Variants in SAMD4A observed in about 807,000 individuals in gnomAD.
SAMD4A encodes the protein sterile alpha motif domain containing 4A, also known as protein Smaug homolog 1.
SAMD4A carries 33 observed loss-of-function variants against 81.3 expected under a neutral mutation model. That is an observed-to-expected ratio of 0.41 (90% CI 0.31 to 0.54). The LOEUF is 0.54. Among genes scored for constraint, SAMD4A ranks in the 20% least tolerant of loss-of-function variants. The pLI is 0.37. For missense variants in SAMD4A, 854 were observed against 951.1 expected, an observed-to-expected ratio of 0.90 and a Z score of 1.34; for synonymous variants, 389 against 382.1, an observed-to-expected ratio of 1.02 and a Z score of -0.21.
chr14:54,652,365 G>A (rs1020212878), intron 2 of SAMD4A, among the ~76,000 whole-genome samples: 1 of 152,158 alleles, frequency 6.6e-6, no homozygotes, highest in African/African-American at 2.4e-5. Flanking sequence ...GAAGTAGTAC[G>A]GAAACTCCAC....
rs1386216199 is a variant in SAMD4A, at chr14:54,700,951, G to A, written c.197-1111G>A. The stretch of plus-strand genomic sequence containing the variant: ...TTTGAGAAGATGAAAGGGTTCTAGA[G>A]ATGGATGGTAGTGATAGTTGCACAC... On this transcript the variant is annotated intron_variant, in intron 2 of 12. Coordinates refer to ENST00000554335, the MANE Select transcript of SAMD4A (RefSeq NM_015589.6). The A allele has an allele frequency of 2.0e-5, 3 of 151,568 alleles. No homozygotes were observed. The East Asian group carries it at 5.8e-4, about 29-fold the overall frequency. The allele number at this position is 151,568 out of a possible 1,614,324, so 9.4% of individuals were successfully genotyped here. A position where few individuals can be genotyped will look rare whatever the true frequency, so the allele number is the denominator to read the frequency against.
chr14:54,709,583 AAG>A (rs755151232), intron 3 of SAMD4A, among the ~76,000 whole-genome samples: 9 of 152,080 alleles, frequency 5.9e-5, no homozygotes, highest in Non-Finnish European at 1.2e-4. Context: ...CTTCAAAAGA[AAG>A]AGAAGAATGT....
chr14:54,655,809 A>G (rs1002302853), intron 2 of SAMD4A, among the ~76,000 whole-genome samples: 6 of 152,126 alleles, frequency 3.9e-5, no homozygotes, highest in Non-Finnish European at 8.8e-5. Context: ...TACAAATTCA[A>G]GCCTTGCTTC....
At chr14:54,774,578 G>C (rs1202666752) in intron 9 of SAMD4A, among the ~76,000 whole-genome samples, 2 of 151,886 alleles carry the variant, frequency 1.3e-5, no homozygotes, top group East Asian at 3.9e-4. Context: ...TACTCAAGAG[G>C]CTGAGTTGGG....
intron 2 of SAMD4A, among the ~76,000 whole-genome samples, chr14:54,608,128 A>G (rs1327545903): frequency 6.6e-6 from 1 of 152,228 alleles, no homozygotes; most frequent in African/African-American, 2.4e-5. Flanking sequence ...ATTTGGACTA[A>G]GAAGGCCTGA....
chr14:54,621,966 ATAT>A (rs2034628880), intron 2 of SAMD4A, among the ~76,000 whole-genome samples: 2 of 152,278 alleles, frequency 1.3e-5, no homozygotes, highest in African/African-American at 4.8e-5. Context: ...TACTCATATT[ATAT>A]GAAATTTAGG....
At chr14:54,629,576 C>G (rs942878091) in intron 2 of SAMD4A, among the ~76,000 whole-genome samples, 4 of 151,886 alleles carry the variant, frequency 2.6e-5, no homozygotes, top group Non-Finnish European at 5.9e-5. Context: ...ATATAATGAA[C>G]CTATATTATA....
At chr14:54,770,026 T>G in intron 8 of SAMD4A, 78 bp from the exon 9 acceptor site, 1 of 899,616 alleles carries the variant, frequency 1.1e-6, no homozygotes, top group Admixed American at 1.9e-5. Context: ...CTCCAATGTT[T>G]TCCCCTTATT....
At position 54,760,472 on chromosome 14, in the gene SAMD4A, G is replaced by A; in HGVS notation, c.1488G>A (p.Gln496=). The A allele has an allele frequency of 1.4e-6, 2 of 1,408,186 alleles. No individual in the cohort carries two copies. The highest frequency in any genetic ancestry group is 1.8e-6 in the Non-Finnish European group (2 of 1,089,834). The allele number at this position is 1,408,186 out of a possible 1,614,324, so 87.2% of individuals were successfully genotyped here. Residue 496 remains glutamine, a synonymous_variant, in exon 7 of 13, where the codon CAG becomes CAA. Transcript: ENST00000554335. ...APLPEGDLPG[Q]FTRVMGKVCT... ...TGCCAGAGGGGGACCTCCCCGGGCA[G>A]TTCACACGCGTCATGGGGAAAGGTA...
Position 54,748,932 on chromosome 14 carries a change from C to T in SAMD4A, c.1089+8C>T. The T allele has an allele frequency of 1.9e-6, 3 of 1,541,056 alleles. No individual in the cohort carries two copies. Among genetic ancestry groups the T allele is most frequent in the Non-Finnish European group, 2.6e-6 (3 of 1,137,242 alleles). Reference sequence around the variant, plus strand: ...TGCCAGCTGGAGGCGCAGGTATGTGCTTGAGGTGACTGTTCCCTGAGAGGG... The same window carrying T: ...TGCCAGCTGGAGGCGCAGGTATGTGTTTGAGGTGACTGTTCCCTGAGAGGG... On this transcript the variant is annotated splice_region_variant and intron_variant, in intron 5 of 12. Coordinates refer to ENST00000554335, the MANE Select transcript of SAMD4A (RefSeq NM_015589.6).
chr14:54,648,527 G>A (rs1421793025), intron 2 of SAMD4A, among the ~76,000 whole-genome samples: 1 of 152,194 alleles, frequency 6.6e-6, no homozygotes, highest in African/African-American at 2.4e-5. Context: ...GAAGCAGGTT[G>A]GTAGATGGAT....
At chr14:54,768,089 G>T (rs146041451) in intron 8 of SAMD4A, among the ~76,000 whole-genome samples, 1 of 152,166 alleles carries the variant, frequency 6.6e-6, no homozygotes. Context: ...CCTTTACTCC[G>T]TTGTCACTTG....
Position 54,568,690 on chromosome 14 carries a change from CATATATATATATATATATATATATATAT to C in SAMD4A, c.196+602_196+629del, listed in dbSNP as rs59190435. 3.8e-3 allele frequency among the ~76,000 whole-genome samples: 121 copies of C among 31,894 alleles called. 1 individual carries two copies. Among genetic ancestry groups the C allele is most frequent in the East Asian group, 0.012 (10 of 856 alleles). The allele number at this position is 31,894 out of a possible 152,430, so 20.9% of individuals were successfully genotyped here. The stretch of plus-strand genomic sequence containing the variant: ...GAGACTAGTAAAATGACATTTGCAG[CATATATATATATATATATATATATATAT>C]ATATATATATATATATATATATAAT... On this transcript the variant is annotated intron_variant, in intron 2 of 12. Coordinates refer to ENST00000554335, the MANE Select transcript of SAMD4A (RefSeq NM_015589.6).
intron 3 of SAMD4A, among the ~76,000 whole-genome samples, chr14:54,736,501 G>A (rs2037695903): frequency 6.6e-6 from 1 of 152,298 alleles, no homozygotes; most frequent in South Asian, 2.1e-4. Context: ...CCTGAATCCT[G>A]GTTGGAAAGA....
chr14:54,737,368 C>G, intron 4 of SAMD4A, 81 bp downstream of exon 4: 1 of 1,541,926 alleles, frequency 6.5e-7, no homozygotes, highest in South Asian at 1.2e-5. Context: ...GAGAGGTAGT[C>G]AGCAAGAGAG....
chr14:54,603,349 A>G (rs915370693), intron 2 of SAMD4A, among the ~76,000 whole-genome samples: 2 of 152,262 alleles, frequency 1.3e-5, no homozygotes, highest in African/African-American at 2.4e-5. Context: ...ATTAAACCCG[A>G]AAATACTGTA....
chr14:54,601,646 T>A (rs1053506176), intron 2 of SAMD4A, among the ~76,000 whole-genome samples: 2 of 152,160 alleles, frequency 1.3e-5, no homozygotes, highest in African/African-American at 2.4e-5. Context: ...AGGATTAGAG[T>A]AATTAGTGGA....
intron 2 of SAMD4A, among the ~76,000 whole-genome samples, chr14:54,628,748 T>C (rs1359581157): frequency 6.6e-6 from 1 of 152,160 alleles, no homozygotes; most frequent in East Asian, 1.9e-4. Flanking sequence ...CACTGGGAAG[T>C]TAATGAACTG....
intron 2 of SAMD4A, among the ~76,000 whole-genome samples, chr14:54,629,842 A>G (rs1028653020): frequency 6.6e-6 from 1 of 152,072 alleles, no homozygotes; most frequent in Non-Finnish European, 1.5e-5. Flanking sequence ...ACGCCCCATT[A>G]CTTCCTTCCC....
Sources: gnomAD v4.1 joint callset for allele counts (sites outside exome capture counted in the v4.1 genomes callset) on GRCh38, gnomAD v4.1.1 for gene constraint, MANE v1.5 for transcripts, NCBI Gene and HGNC (gene_info 2026-07-23, HGNC 2026-07-21) for gene names.